Variants in ATXN2 observed in about 807,000 individuals in gnomAD.
The protein encoded by ATXN2 is ataxin 2, also known as ataxin-2.
ATXN2 carries 37 observed loss-of-function variants against 138.6 expected under a neutral mutation model. The observed-to-expected ratio is 0.27, with a 90% confidence interval of 0.21 to 0.35. The LOEUF (loss-of-function observed/expected upper bound fraction) is 0.35, where lower values mean the gene tolerates loss of function less well. Ranked by LOEUF, ATXN2 falls within the 10% of genes least tolerant of loss-of-function variation. The probability of loss-of-function intolerance (pLI) is 1.00; values close to 1 mark genes in which losing one functional copy is unlikely to be tolerated. For synonymous variants in ATXN2, 549 were observed against 543.7 expected (o/e 1.01, Z -0.13); for missense variants, 1,216 against 1,480.3 (o/e 0.82, Z 2.93).
intron 18 of ATXN2, among the ~76,000 whole-genome samples, chr12:111,476,442 T>C (rs989902220): frequency 1.3e-5 from 2 of 150,998 alleles, no homozygotes; most frequent in African/African-American, 4.9e-5. Context: ...TTTTCAGTAA[T>C]GCACCAGTAC....
At chr12:111,494,002 C>A (rs186123437) in intron 14 of ATXN2, among the ~76,000 whole-genome samples, 274 of 152,232 alleles carry the variant, frequency 1.8e-3, no homozygotes, top group Non-Finnish European at 1.5e-3. Context: ...GCACTCTCGG[C>A]TCACTGCAAC....
At chr12:111,538,113 A>T (rs2135765369) in intron 5 of ATXN2, among the ~76,000 whole-genome samples, 1 of 152,222 alleles carries the variant, frequency 6.6e-6, no homozygotes, top group East Asian at 1.9e-4. Context: ...AAGAAAAAAA[A>T]AAACCTAATT....
At chr12:111,454,463 T>TG (rs1300599324) in intron 23 of ATXN2, 1 of 153,802 alleles carries the variant, frequency 6.5e-6, no homozygotes, top group Non-Finnish European at 1.4e-5. Context: ...GAGGAGGAGT[T>TG]GGAGTTTTTA....
intron 18 of ATXN2, among the ~76,000 whole-genome samples, chr12:111,481,318 G>A (rs986029713): frequency 1.3e-5 from 2 of 152,202 alleles, no homozygotes; most frequent in African/African-American, 4.8e-5. Flanking sequence ...GGTGGCGTAT[G>A]CCTGCAGCCC....
chr12:111,593,050 A>G (rs1884757120), intron 1 of ATXN2, among the ~76,000 whole-genome samples: 1 of 151,900 alleles, frequency 6.6e-6, no homozygotes, highest in Admixed American at 6.6e-5. Flanking sequence ...GGCTGTAGCT[A>G]TTTAGGACAA....
chr12:111,516,056 G>A lies in ATXN2; in HGVS notation c.1375+98C>T, dbSNP rs927701930. 4.7e-5 allele frequency: 53 copies of A among 1,127,590 alleles called. No individual in the cohort carries two copies. The highest frequency in any genetic ancestry group is 5.9e-5 in the Non-Finnish European group (48 of 814,644). 69.8% of individuals were successfully genotyped at this position (1,127,590 alleles called of 1,614,324 possible). On this transcript the variant is annotated intron_variant, in intron 10 of 24. Transcript: ENST00000673436. The surrounding 1 kb of genome is among the most constrained non-coding windows in gnomAD (Gnocchi z 5.0). Reference sequence around the variant, plus strand: ...TAAAGTTAAAACACAGAAATTATAGGTTATTAAATAATGAAGAGGAAACTA... The same window carrying A: ...TAAAGTTAAAACACAGAAATTATAGATTATTAAATAATGAAGAGGAAACTA...
chr12:111,470,450 T>C, intron 19 of ATXN2, 108 bp downstream of exon 19: 1 of 1,304,802 alleles, frequency 7.7e-7, no homozygotes, highest in Non-Finnish European at 1.1e-6. Flanking sequence ...CTTAGCTATC[T>C]ACCCTACCAT....
Position 111,589,046 on chromosome 12 carries a change from G to A in ATXN2, c.251+9738C>T, listed in dbSNP as rs531936202. 7.0e-5 allele frequency among the ~76,000 whole-genome samples: 10 copies of A among 143,268 alleles called. No homozygotes were observed. In the South Asian group the frequency reaches 2.3e-3, roughly 33 times the overall value. The allele number at this position is 143,268 out of a possible 152,430, so 94.0% of individuals were successfully genotyped here. ...AAAACTAAACCAAACTGGTCACGGT[G>A]GCTCACACCTGTAATCCCAGCACTT... On this transcript the variant is annotated intron_variant, in intron 1 of 24. Coordinates refer to ENST00000673436, the MANE Select transcript of ATXN2 (RefSeq NM_001372574.1).
intron 1 of ATXN2, among the ~76,000 whole-genome samples, chr12:111,557,568 A>G (rs1244855498): frequency 6.6e-6 from 1 of 152,142 alleles, no homozygotes; most frequent in Non-Finnish European, 1.5e-5. Context: ...TATCACCTCT[A>G]CTTTACAGGT....
chr12:111,572,401 C>CAA (rs11449224), intron 1 of ATXN2, among the ~76,000 whole-genome samples: 85 of 136,774 alleles, frequency 6.2e-4, no homozygotes, highest in East Asian at 2.9e-3. Context: ...AACTCCATCT[C>CAA]AAAAAAAAAA....
At chr12:111,542,614 A>G (rs1270178807) in intron 5 of ATXN2, among the ~76,000 whole-genome samples, 1 of 152,126 alleles carries the variant, frequency 6.6e-6, no homozygotes, top group Non-Finnish European at 1.5e-5. Context: ...TTACAGGAGT[A>G]CACCACCACA....
At chr12:111,477,619 T>C (rs1247302936) in intron 18 of ATXN2, among the ~76,000 whole-genome samples, 7 of 152,090 alleles carry the variant, frequency 4.6e-5, no homozygotes, top group Non-Finnish European at 8.8e-5. Flanking sequence ...CAATACTGGC[T>C]CTTCAAAAAA....
At chr12:111,462,342 T>C (rs1019238864) in intron 21 of ATXN2, among the ~76,000 whole-genome samples, 3 of 152,210 alleles carry the variant, frequency 2.0e-5, no homozygotes, top group Admixed American at 6.5e-5. Flanking sequence ...TCAGCTGTGA[T>C]CTCACTGAAG....
At position 111,598,121 on chromosome 12, in the gene ATXN2, GC is replaced by G; in HGVS notation, c.251+662del. 2 of 1,107,748 alleles carry G rather than the reference GC, an allele frequency of 1.8e-6. No homozygotes were observed. The highest frequency in any genetic ancestry group is 2.2e-5 in the South Asian group (1 of 45,130). The allele number at this position is 1,107,748 out of a possible 1,614,324, so 68.6% of individuals were successfully genotyped here. A position where few individuals can be genotyped will look rare whatever the true frequency, so the allele number is the denominator to read the frequency against. On this transcript the variant is annotated intron_variant, in intron 1 of 24. Coordinates refer to ENST00000673436, the MANE Select transcript of ATXN2 (RefSeq NM_001372574.1). This position sits in a 1 kb window ranked among gnomAD's most constrained non-coding sequence, Gnocchi z 4.5. Reference sequence around the variant, plus strand: ...CCCACGATTTCAGGGGAGTTCGGGAGCCCCCGCCGCCGCCTCGGACACGAAC... The same window carrying G: ...CCCACGATTTCAGGGGAGTTCGGGAGCCCCGCCGCCGCCTCGGACACGAAC...
intron 3 of ATXN2, 62 bp downstream of exon 3, chr12:111,554,096 C>T (rs1418909331): frequency 9.0e-7 from 1 of 1,107,060 alleles, no homozygotes; most frequent in Non-Finnish European, 1.3e-6. Flanking sequence ...CACATTTTAA[C>T]TTCATGGAAT....
intron 5 of ATXN2, among the ~76,000 whole-genome samples, chr12:111,531,690 G>A (rs1160832656): frequency 1.3e-5 from 2 of 152,210 alleles, no homozygotes; most frequent in Non-Finnish European, 2.9e-5. Context: ...GGTGCAGGAT[G>A]TATGGACTGG....
intron 1 of ATXN2, among the ~76,000 whole-genome samples, chr12:111,584,251 G>A (rs927224238): frequency 2.7e-5 from 4 of 150,906 alleles, no homozygotes; most frequent in Non-Finnish European, 4.4e-5. Flanking sequence ...GCATGGTAGC[G>A]TGCTCCTGTA....
At position 111,522,393 on chromosome 12, in the gene ATXN2, G is replaced by A. The variant is rs540983389; in HGVS notation, c.697-1420C>T. On this transcript the variant is annotated intron_variant, in intron 6 of 24. Coordinates refer to ENST00000673436, the MANE Select transcript of ATXN2 (RefSeq NM_001372574.1). ...TGGGAGGCCGAGGCAGGAGGATCACGAAGTCAGGAGATTGAGACCATGCTG... is the reference window on the plus strand; with the variant it reads ...TGGGAGGCCGAGGCAGGAGGATCACAAAGTCAGGAGATTGAGACCATGCTG... 7.4e-5 allele frequency among the ~76,000 whole-genome samples: 11 copies of A among 148,186 alleles called. No individual in the cohort carries two copies. The South Asian group carries it at 1.1e-3, about 15-fold the overall frequency.
intron 21 of ATXN2, among the ~76,000 whole-genome samples, chr12:111,459,866 C>G (rs547334191): frequency 6.6e-6 from 1 of 150,688 alleles, no homozygotes; most frequent in Admixed American, 6.6e-5. Flanking sequence ...CTCTGAGTAG[C>G]TGGGATTACC....
Sources: gnomAD v4.1 joint callset for allele counts (sites outside exome capture counted in the v4.1 genomes callset) on GRCh38, gnomAD v4.1.1 for gene constraint, Gnocchi (gnomAD v3.1) non-coding constraint, MANE v1.5 for transcripts, NCBI Gene and HGNC (gene_info 2026-07-23, HGNC 2026-07-21) for gene names.